ADGRV1: variants seen among roughly 807,000 people sequenced by gnomAD.
ADGRV1 encodes adhesion G protein-coupled receptor V1, also known as G-protein coupled receptor 98.
In ADGRV1, 359 loss-of-function variants were observed where a neutral mutation model predicts 596.2. That is an observed-to-expected ratio of 0.60 (90% CI 0.55 to 0.66). The LOEUF is 0.66. Ranked by LOEUF, ADGRV1 falls within the 30% of genes least tolerant of loss-of-function variation. The pLI is 0.00. For missense variants in ADGRV1, 7,274 were observed against 7,575.6 expected, an observed-to-expected ratio of 0.96 and a Z score of 1.48; for synonymous variants, 2,681 against 2,679.2, an observed-to-expected ratio of 1.00 and a Z score of -0.02.
rs1236585498 is a variant in ADGRV1, at chr5:90,697,141, A to G, written c.8150A>G (p.His2717Arg). ...FQTASRSVIGHEGEILQFHVI... is the reference protein window; with the variant it reads ...FQTASRSVIGREGEILQFHVI... ...ACAGCTTCCAGATCTGTCATAGGTC[A>G]TGAAGGTGGGTTCCTTTTTTTGTTA... Residue 2717 changes from histidine (H) to arginine (R), a missense_variant, in exon 34 of 90, where the codon CAT becomes CGT. Physicochemically the swap from His to Arg is conservative, Grantham distance 29. Around this residue, in one of 5 missense-constraint regions of ADGRV1, gnomAD observed 3,643 missense variants for 3,809.2 expected, o/e 0.96. Coordinates refer to ENST00000405460, the MANE Select transcript of ADGRV1 (RefSeq NM_032119.4). The G allele has an allele frequency of 3.1e-6, 5 of 1,611,152 alleles. No individual in the cohort carries two copies. Among genetic ancestry groups the G allele is most frequent in the African/African-American group, 1.3e-5 (1 of 74,846 alleles).
chr5:90,809,293 T>TACACAC (rs60659185), intron 73 of ADGRV1, among the ~76,000 whole-genome samples: 3,265 of 134,558 alleles, frequency 0.024, 76 homozygotes, highest in South Asian at 0.062. Flanking sequence ...CGGGCATAAA[T>TACACAC]ACACACACAC....
At chr5:90,657,814 A>C in intron 20 of ADGRV1, 91 bp from the exon 21 acceptor site, 1 of 1,320,412 alleles carries the variant, frequency 7.6e-7, no homozygotes, top group Non-Finnish European at 1.0e-6. Context: ...AATATCTTTC[A>C]GTAAAATTGT....
chr5:90,861,531 G>A (rs182014872), intron 82 of ADGRV1, among the ~76,000 whole-genome samples: 6 of 151,234 alleles, frequency 4.0e-5, no homozygotes, highest in East Asian at 3.9e-4. Flanking sequence ...GGATGGTCTC[G>A]ATCTCCTGAC....
intron 84 of ADGRV1, among the ~76,000 whole-genome samples, chr5:90,980,095 G>A (rs1224613390): frequency 6.6e-6 from 1 of 152,110 alleles, no homozygotes; most frequent in Non-Finnish European, 1.5e-5. Flanking sequence ...GTACTCCCAA[G>A]TACAGTTACC....
intron 1 of ADGRV1, among the ~76,000 whole-genome samples, chr5:90,581,175 T>A (rs1054330253): frequency 1.3e-5 from 2 of 152,194 alleles, no homozygotes; most frequent in African/African-American, 4.8e-5. Flanking sequence ...CAAGTTTTTT[T>A]AGCTTCCTTG....
chr5:91,129,329 A>G (rs1340760947), intron 87 of ADGRV1, among the ~76,000 whole-genome samples: 1 of 152,212 alleles, frequency 6.6e-6, no homozygotes, highest in Non-Finnish European at 1.5e-5. Flanking sequence ...AGCATTTTGG[A>G]AAAGGAAGAG....
intron 77 of ADGRV1, among the ~76,000 whole-genome samples, chr5:90,831,315 G>GCA (rs974716076): frequency 3.5e-5 from 5 of 144,476 alleles, no homozygotes; most frequent in Non-Finnish European, 7.6e-5. Context: ...ATAAGTACAC[G>GCA]CACACACACA....
chr5:90,694,221 G>A lies in ADGRV1; in HGVS notation c.7465G>A (p.Val2489Ile). 6.2e-7 allele frequency: 1 copy of A among 1,613,906 alleles called. No individual in the cohort carries two copies. Among genetic ancestry groups the A allele is most frequent in the Non-Finnish European group, 8.5e-7 (1 of 1,179,850 alleles). ...GACCTACAGGAAAAACATGACCAGG[G>A]TAGCATCTCTTTTTAGTGGTCAGGC... Reference protein sequence around the residue: ...FWTYRKNMTRVASLFSGQAVA... With the variant: ...FWTYRKNMTRIASLFSGQAVA... The change falls in exon 33 of 90, where the codon GTA becomes ATA. Residue 2489 changes from valine (V) to isoleucine (I), a missense_variant. This residue lies in a region of ADGRV1 where 3,643 missense variants were observed against 3,809.2 expected (regional missense o/e 0.96). Coordinates refer to ENST00000405460, the MANE Select transcript of ADGRV1 (RefSeq NM_032119.4).
intron 1 of ADGRV1, among the ~76,000 whole-genome samples, chr5:90,587,574 T>A (rs964519720): frequency 1.4e-5 from 2 of 139,864 alleles, no homozygotes; most frequent in African/African-American, 3.0e-5. Context: ...TTTTTTTTTT[T>A]TAAATGGAGT....
chr5:90,780,218 T>C (rs1393811239), intron 64 of ADGRV1: 2 of 152,218 alleles, frequency 1.3e-5, no homozygotes, highest in African/African-American at 4.8e-5. Context: ...GTAAGTTTAA[T>C]TCTGGGGAAA....
At chr5:90,785,300 C>A (rs545001056) in intron 67 of ADGRV1, among the ~76,000 whole-genome samples, 58 of 146,628 alleles carry the variant, frequency 4.0e-4, no homozygotes, top group Admixed American at 1.4e-3. Flanking sequence ...ACCATAAAAA[C>A]CCTAGGAGAA....
rs757910491 is a variant in ADGRV1, at chr5:90,627,506, T to C, written c.968T>C (p.Ile323Thr). 2.0e-5 allele frequency: 33 copies of C among 1,613,880 alleles called. No homozygotes were observed. Among genetic ancestry groups the C allele is most frequent in the Middle Eastern group, 3.3e-4 (2 of 6,084 alleles). ...TAHAQQNLDF[I>T]DLQPNTTVVF... ...CATGCCCAGCAAAATCTGGACTTCA[T>C]TGATCTTCAGCCAAACACAACTGTT... Residue 323 changes from isoleucine to threonine, a missense_variant, in exon 7 of 90, where the codon ATT becomes ACT. Transcript: ENST00000405460.
Position 90,711,199 on chromosome 5 carries a change from A to C in ADGRV1, c.8919A>C (p.Glu2973Asp). The C allele has an allele frequency of 6.2e-7, 1 of 1,611,838 alleles. No individual in the cohort carries two copies. The highest frequency in any genetic ancestry group is 8.5e-7 in the Non-Finnish European group (1 of 1,178,936). The stretch of plus-strand genomic sequence containing the variant: ...TATATTATAGGTTTGAAGTAAATGA[A>C]ACCCATGGAAGTTTAACATTGGTAG... Reference protein sequence around the residue: ...EWQQSRFEVNETHGSLTLVAQ... With the variant: ...EWQQSRFEVNDTHGSLTLVAQ... Residue 2973 changes from glutamate (E) to aspartate (D), a missense_variant, in exon 41 of 90, where the codon GAA (glutamate) becomes GAC (aspartate). Physicochemically the swap from Glu to Asp is conservative, Grantham distance 45. Around this residue, in one of 5 missense-constraint regions of ADGRV1, gnomAD observed 3,643 missense variants for 3,809.2 expected, o/e 0.96. Transcript: ENST00000405460.
At chr5:90,782,631 G>A (rs1758972216) in intron 65 of ADGRV1, among the ~76,000 whole-genome samples, 1 of 152,000 alleles carries the variant, frequency 6.6e-6, no homozygotes, top group South Asian at 2.1e-4. Flanking sequence ...GATTTCATAG[G>A]AACTGAAAAT....
rs1157655678 is a variant in ADGRV1, at chr5:90,776,464, A to G, written c.12415A>G (p.Ile4139Val). Residue 4139 changes from isoleucine to valine, a missense_variant, in exon 61 of 90, where the codon ATA (isoleucine) becomes GTA (valine). Transcript: ENST00000405460. ...EISPVKGSAS[I>V]IIRGDKRASG... ...CATCTTGAATTTAGGTAGTGCATCA[A>G]TAATTATTCGGGGTGATAAGCGAGC... is the stretch of plus-strand genomic sequence containing the variant. 7 of 1,612,124 alleles carry G rather than the reference A, an allele frequency of 4.3e-6. No homozygotes were observed. The highest frequency in any genetic ancestry group is 4.5e-5 in the East Asian group (2 of 44,820).
chr5:90,595,391 A>ACC (rs1370140649), intron 1 of ADGRV1, among the ~76,000 whole-genome samples: 2 of 16,068 alleles, frequency 1.2e-4, no homozygotes, highest in Non-Finnish European at 2.3e-4. Flanking sequence ...TGGGGGGCTG[A>ACC]CCCCCCCACC....
intron 77 of ADGRV1, among the ~76,000 whole-genome samples, chr5:90,833,438 C>T (rs1379657722): frequency 1.3e-5 from 2 of 152,106 alleles, no homozygotes; most frequent in Non-Finnish European, 2.9e-5. Context: ...GTGCACACCA[C>T]CACACCTGGC....
At chr5:90,771,375 C>G (rs1340431196) in intron 59 of ADGRV1, among the ~76,000 whole-genome samples, 1 of 152,158 alleles carries the variant, frequency 6.6e-6, no homozygotes, top group African/African-American at 2.4e-5. Context: ...TAATTTCTCT[C>G]ACATTTGGGT....
chr5:90,638,807 G>A (rs898797371), intron 11 of ADGRV1, among the ~76,000 whole-genome samples: 2 of 151,980 alleles, frequency 1.3e-5, no homozygotes, highest in African/African-American at 4.8e-5. Flanking sequence ...ATAGTCCATG[G>A]ATCTCTCTAT....
Sources: gnomAD v4.1 joint callset for allele counts (sites outside exome capture counted in the v4.1 genomes callset) on GRCh38, gnomAD v4.1.1 for gene constraint, gnomAD v4.1.1 regional missense constraint, MANE v1.5 for transcripts, NCBI Gene and HGNC (gene_info 2026-07-23, HGNC 2026-07-21) for gene names.